Variants in ARIH1 observed in about 807,000 individuals in gnomAD.
ARIH1 encodes the protein ariadne RBR E3 ubiquitin protein ligase 1, also known as E3 ubiquitin-protein ligase ARIH1.
A neutral mutation model predicts 85.0 loss-of-function variants in ARIH1; 8 were observed. That is an observed-to-expected ratio of 0.09 (90% confidence interval 0.06 to 0.17). ARIH1 has a LOEUF of 0.17. Ranked by LOEUF, ARIH1 falls within the 10% of genes least tolerant of loss-of-function variation. The probability of loss-of-function intolerance (pLI) is 1.00; values close to 1 mark genes in which losing one functional copy is unlikely to be tolerated. For synonymous variants in ARIH1, 238 were observed against 253.6 expected (o/e 0.94, Z 0.59); for missense variants, 311 against 718.1 (o/e 0.43, Z 6.48).
Position 72,474,753 on chromosome 15 carries a change from T to G in ARIH1, c.114T>G (p.Asp38Glu). 1 of 1,556,408 alleles carries G rather than the reference T, an allele frequency of 6.4e-7. No individual in the cohort carries two copies. Among genetic ancestry groups the G allele is most frequent in the Non-Finnish European group, 8.7e-7 (1 of 1,152,266 alleles). Reference protein sequence around the residue: ...EDEDDDEPDDDTLDLGEVELV... With the variant: ...EDEDDDEPDDETLDLGEVELV... ...AAGACGACGACGAGCCGGACGATGA[T>G]ACCCTGGATCTGGGCGAGGTGGAGC... The change falls in exon 1 of 14, where the codon GAT (aspartate) becomes GAG (glutamate). Residue 38 changes from aspartate to glutamate, a missense_variant. This residue lies in a region of ARIH1 where 157 missense variants were observed against 185.1 expected (regional missense o/e 0.85). Transcript: ENST00000379887.
intron 2 of ARIH1, among the ~76,000 whole-genome samples, chr15:72,539,992 G>T (rs550380051): frequency 6.6e-6 from 1 of 152,274 alleles, no homozygotes; most frequent in Non-Finnish European, 1.5e-5. Context: ...GGGCACGGTG[G>T]CTCATGCCTA....
Position 72,570,163 on chromosome 15 carries a change from G to GTT in ARIH1, c.1027-12_1027-11dup. On this transcript the variant is annotated splice_polypyrimidine_tract_variant and intron_variant, in intron 9 of 13. Coordinates refer to ENST00000379887, the MANE Select transcript of ARIH1 (RefSeq NM_005744.5). The stretch of plus-strand genomic sequence containing the variant: ...GTGTAGCATTGACACCAACTTTATA[G>GTT]TTTCTCTTCATAGGAATGTCCCAAA... 1.2e-6 allele frequency: 2 copies of GTT among 1,613,284 alleles called. No individual in the cohort carries two copies. Among genetic ancestry groups the GTT allele is most frequent in the Non-Finnish European group, 1.7e-6 (2 of 1,179,564 alleles).
intron 1 of ARIH1, among the ~76,000 whole-genome samples, chr15:72,499,120 C>T (rs190801226): frequency 3.7e-4 from 56 of 151,230 alleles, no homozygotes; most frequent in African/African-American, 1.1e-3. Context: ...AGCTGGGAGG[C>T]GCACGCCACC....
chr15:72,584,798 G>C lies in ARIH1; in HGVS notation c.*1506G>C, dbSNP rs2064309116. On this transcript the variant is annotated 3_prime_UTR_variant, in exon 14 of 14. Transcript: ENST00000379887. ...TTAAAAGTAAAGGATGGTGGTGGTT[G>C]TATTAACTATATACCTGTTTAGGCC... 1 of 151,792 alleles carries C rather than the reference G, an allele frequency of 6.6e-6. No homozygotes were observed. Among genetic ancestry groups the C allele is most frequent in the Non-Finnish European group, 1.5e-5 (1 of 67,958 alleles). The allele number at this position is 151,792 out of a possible 1,614,324, so 9.4% of individuals were successfully genotyped here.
intron 1 of ARIH1, among the ~76,000 whole-genome samples, chr15:72,483,507 AG>A (rs372949134): frequency 6.6e-5 from 10 of 152,362 alleles, no homozygotes; most frequent in Admixed American, 1.3e-4. Context: ...ACCAGGAGGC[AG>A]GGGTCTTTGG....
intron 1 of ARIH1, among the ~76,000 whole-genome samples, chr15:72,484,343 G>T (rs545930922): frequency 6.6e-6 from 1 of 152,088 alleles, no homozygotes; most frequent in South Asian, 2.1e-4. Flanking sequence ...GTGGTGATTT[G>T]TGAGATTTTG....
Position 72,601,625 on chromosome 15 carries a change from G to A in ARIH1, c.*18333G>A, listed in dbSNP as rs1220820623. ...TCTCTTACCCAGGAAAAATTTCCCT[G>A]TCCAAACAAGTCTAGATTGGCTCCC... On this transcript the variant is annotated 3_prime_UTR_variant, in exon 14 of 14. Transcript: ENST00000379887. 6.6e-6 allele frequency: 1 copy of A among 152,092 alleles called. No individual in the cohort carries two copies. The highest frequency in any genetic ancestry group is 1.5e-5 in the Non-Finnish European group (1 of 68,036). The allele number at this position is 152,092 out of a possible 1,614,324, so 9.4% of individuals were successfully genotyped here.
rs1379120495 is a variant in ARIH1, at chr15:72,592,722, G to C, written c.*9430G>C. The C allele has an allele frequency of 1.3e-5, 2 of 152,098 alleles. No homozygotes were observed. The highest frequency in any genetic ancestry group is 1.3e-4 in the Admixed American group (2 of 15,264). The allele number at this position is 152,098 out of a possible 1,614,324, so 9.4% of individuals were successfully genotyped here. ...TTCACTGATAATGCTTTAAAGACAC[G>C]CATACTGTATGTATTAGGACATTGT... On this transcript the variant is annotated 3_prime_UTR_variant, in exon 14 of 14. Transcript: ENST00000379887.
intron 2 of ARIH1, among the ~76,000 whole-genome samples, chr15:72,536,951 TC>T (rs1282810642): frequency 2.0e-5 from 3 of 152,164 alleles, no homozygotes; most frequent in Non-Finnish European, 4.4e-5. Flanking sequence ...CAAAAAGTAT[TC>T]TACTTTTTCT....
chr15:72,547,278 ACT>A (rs2064133913), intron 3 of ARIH1, among the ~76,000 whole-genome samples: 1 of 145,016 alleles, frequency 6.9e-6, no homozygotes, highest in African/African-American at 2.6e-5. Flanking sequence ...TGTTGCCCAG[ACT>A]GGAGTGCAAT....
chr15:72,546,118 G>A (rs945797504), intron 3 of ARIH1, among the ~76,000 whole-genome samples: 2 of 152,100 alleles, frequency 1.3e-5, no homozygotes, highest in African/African-American at 4.8e-5. Flanking sequence ...GTGTACTACA[G>A]CCTTCATCAG....
chr15:72,474,726 C>A lies in ARIH1; in HGVS notation c.87C>A (p.Asp29Glu), dbSNP rs761158526. The A allele has an allele frequency of 9.6e-6, 15 of 1,561,568 alleles. No individual in the cohort carries two copies. Among genetic ancestry groups the A allele is most frequent in the Non-Finnish European group, 1.0e-5 (12 of 1,155,148 alleles). ...ACAGCGGCGCCGAGGAGGAGGAGGACGAAGACGACGACGAGCCGGACGATG... is the reference window on the plus strand; with the variant it reads ...ACAGCGGCGCCGAGGAGGAGGAGGAAGAAGACGACGACGAGCCGGACGATG... ...EEDSGAEEEE[D>E]EDDDEPDDDT... is the part of the protein sequence containing the mutation. Residue 29 changes from aspartate to glutamate, a missense_variant, in exon 1 of 14, where the codon GAC (aspartate) becomes GAA (glutamate). Transcript: ENST00000379887.
chr15:72,528,807 A>G (rs1357526443), intron 2 of ARIH1, among the ~76,000 whole-genome samples: 1 of 152,114 alleles, frequency 6.6e-6, no homozygotes, highest in African/African-American at 2.4e-5. Context: ...ATCTGTGATC[A>G]TGTCACTGTA....
chr15:72,566,547 T>C lies in ARIH1; in HGVS notation c.912-16T>C, dbSNP rs1221872462. 5.0e-6 allele frequency: 8 copies of C among 1,608,934 alleles called. No individual in the cohort carries two copies. Among genetic ancestry groups the C allele is most frequent in the African/African-American group, 1.3e-5 (1 of 74,776 alleles). ...GGTAGGCCTTAATTCTATTAACTCT[T>C]TGTGTCACTTAACAGCTTTAACTGT... On this transcript the variant is annotated splice_polypyrimidine_tract_variant and intron_variant, in intron 7 of 13. Transcript: ENST00000379887.
rs569278127 is a variant in ARIH1 at position 72,484,459 on chromosome 15, A to G, written c.375+9445A>G. ...CGAGTCCCCAGAGTTCATTATATCA[A>G]TCTTAGGCTTTTGCATGCTGATAGC... On this transcript the variant is annotated intron_variant, in intron 1 of 13. Transcript: ENST00000379887. Among the ~76,000 whole-genome samples the G allele has an allele frequency of 4.8e-4, 72 of 151,354 alleles. 1 individual carries two copies. The highest frequency in any genetic ancestry group is 2.3e-3 in the Admixed American group (35 of 15,174).
intron 1 of ARIH1, among the ~76,000 whole-genome samples, chr15:72,507,926 A>C (rs1457054105): frequency 6.6e-6 from 1 of 152,212 alleles, no homozygotes; most frequent in Non-Finnish European, 1.5e-5. Context: ...GGAGTTCTAC[A>C]GATGTACTTT....
At chr15:72,512,353 T>C (rs1021335896) in intron 1 of ARIH1, among the ~76,000 whole-genome samples, 1 of 152,070 alleles carries the variant, frequency 6.6e-6, no homozygotes, top group Admixed American at 6.5e-5. Flanking sequence ...GTGTCTTCTT[T>C]AGTGAGGTTT....
chr15:72,559,807 T>C (rs1009176388), intron 5 of ARIH1, among the ~76,000 whole-genome samples: 4 of 152,228 alleles, frequency 2.6e-5, no homozygotes, highest in African/African-American at 9.6e-5. Context: ...CCTTTTGTGA[T>C]TGGCTTCTTT....
In ARIH1 at chr15:72,583,259, T is replaced by C; in HGVS notation, c.1641T>C (p.Tyr547=). 1 of 1,613,352 alleles carries C rather than the reference T, an allele frequency of 6.2e-7. No homozygotes were observed. ...TGTTACAGCATGTGCATGAAGGCTA[T>C]GAAAAAGATCTGTGGGAGTACATTG... The part of the protein sequence containing the change: ...RVLLQHVHEG[Y]EKDLWEYIED The change falls in exon 14 of 14, where the codon TAT becomes TAC. Residue 547 remains tyrosine (Y), a synonymous_variant. Transcript: ENST00000379887.
Sources: allele counts gnomAD v4.1 joint callset (sites outside exome capture counted in the v4.1 genomes callset), GRCh38; gene constraint gnomAD v4.1.1; regional missense constraint gnomAD v4.1.1; transcripts MANE v1.5; gene names NCBI Gene and HGNC (gene_info 2026-07-23, HGNC 2026-07-21).